Variants in RXFP1 observed in about 807,000 individuals in gnomAD.
RXFP1 encodes relaxin receptor 1.
A neutral mutation model predicts 89.8 loss-of-function variants in RXFP1; 73 were observed. The ratio of observed to expected loss-of-function variants is 0.81; its 90% CI spans 0.67 to 0.99. The LOEUF is 0.99. RXFP1 is among the 50% of genes least tolerant of loss of function. RXFP1 has a pLI of 0.00. For missense variants in RXFP1, 793 were observed against 895.5 expected, an observed-to-expected ratio of 0.89 and a Z score of 1.46; for synonymous variants, 277 against 305.5, an observed-to-expected ratio of 0.91 and a Z score of 0.97.
intron 2 of RXFP1, among the ~76,000 whole-genome samples, chr4:158,589,307 A>G (rs965306279): frequency 8.5e-5 from 13 of 152,302 alleles, no homozygotes; most frequent in African/African-American, 3.1e-4. Flanking sequence ...ACCATATCAG[A>G]TACCCATATC....
chr4:158,603,763 G>A (rs1423791742), intron 4 of RXFP1, among the ~76,000 whole-genome samples: 2 of 151,728 alleles, frequency 1.3e-5, no homozygotes, highest in South Asian at 4.2e-4. Context: ...GGTGGCGCAC[G>A]CCTGTAATCC....
intron 14 of RXFP1, among the ~76,000 whole-genome samples, chr4:158,642,111 T>C (rs4132808): frequency 0.012 from 1,836 of 152,294 alleles, 25 homozygotes; most frequent in African/African-American, 0.039. Context: ...TTTTTTCTTT[T>C]ACTGTGGCAC....
intron 9 of RXFP1, 104 bp downstream of exon 9, chr4:158,617,309 G>T: frequency 8.9e-6 from 7 of 790,006 alleles, no homozygotes; most frequent in South Asian, 1.9e-5. Flanking sequence ...AAATGATAAG[G>T]GTTTTAGTAT....
chr4:158,548,396 C>G (rs1473645411), intron 1 of RXFP1, among the ~76,000 whole-genome samples: 2 of 152,304 alleles, frequency 1.3e-5, no homozygotes, highest in Non-Finnish European at 2.9e-5. Flanking sequence ...GGTCTGGACT[C>G]TTTATCCAAT....
chr4:158,624,595 A>T (rs528185839), intron 9 of RXFP1, among the ~76,000 whole-genome samples: 2 of 152,236 alleles, frequency 1.3e-5, no homozygotes, highest in Non-Finnish European at 2.9e-5. Flanking sequence ...AAATAAAAAT[A>T]AAAAAACCTT....
upstream of RXFP1, chr4:158,521,847 G>T: frequency 3.5e-6 from 2 of 575,914 alleles, no homozygotes; most frequent in Non-Finnish European, 3.1e-6. Flanking sequence ...AGTGGAAGGA[G>T]GGAGGACTGC....
intron 8 of RXFP1, among the ~76,000 whole-genome samples, chr4:158,615,443 G>A (rs1210344663): frequency 6.6e-6 from 1 of 152,148 alleles, no homozygotes; most frequent in Non-Finnish European, 1.5e-5. Context: ...AGCTGAGGCA[G>A]GAGAATCGCT....
intron 1 of RXFP1, among the ~76,000 whole-genome samples, chr4:158,559,725 C>T (rs1752056472): frequency 6.6e-6 from 1 of 152,206 alleles, no homozygotes; most frequent in Non-Finnish European, 1.5e-5. Flanking sequence ...AGAAATTCTT[C>T]ATAGAATTGC....
chr4:158,580,595 C>A (rs1239000130), intron 2 of RXFP1, among the ~76,000 whole-genome samples: 1 of 152,080 alleles, frequency 6.6e-6, no homozygotes, highest in Non-Finnish European at 1.5e-5. Context: ...TGGGAAGCTC[C>A]TTGAAAGTAT....
intron 1 of RXFP1, among the ~76,000 whole-genome samples, chr4:158,531,963 G>T (rs1262463369): frequency 6.6e-6 from 1 of 151,952 alleles, no homozygotes; most frequent in Non-Finnish European, 1.5e-5. Flanking sequence ...CATTTAGGGG[G>T]TATATGTGCA....
At chr4:158,579,755 A>G (rs1756958754) in intron 2 of RXFP1, among the ~76,000 whole-genome samples, 2 of 152,250 alleles carry the variant, frequency 1.3e-5, no homozygotes, top group South Asian at 4.1e-4. Flanking sequence ...GATTTTAGAC[A>G]GAATTTCCAA....
Position 158,626,824 on chromosome 4 carries a change from C to A in RXFP1, c.760C>A (p.Leu254Ile), listed in dbSNP as rs758361055. ...CGTTTTATTTTTATGTTCCAGGGAC[C>A]TTGAAGGCAACCATATCCATAATTT... The part of the protein sequence containing the change: ...QHMPRLHWLD[L>I]EGNHIHNLRN... Residue 254 changes from leucine (L) to isoleucine (I), a missense_variant, in exon 10 of 18, where the codon CTT (leucine) becomes ATT (isoleucine). Physicochemically the swap from Leu to Ile is conservative, Grantham distance 5 (BLOSUM62 2). Transcript: ENST00000307765. 2.6e-6 allele frequency: 4 copies of A among 1,558,430 alleles called. No homozygotes were observed. Among genetic ancestry groups the A allele is most frequent in the African/African-American group, 2.8e-5 (2 of 72,704 alleles).
intron 1 of RXFP1, among the ~76,000 whole-genome samples, chr4:158,540,356 G>A (rs1002498897): frequency 6.6e-6 from 1 of 152,078 alleles, no homozygotes; most frequent in African/African-American, 2.4e-5. Context: ...ACCATATAGG[G>A]TAACTGACAT....
chr4:158,605,067 G>A lies in RXFP1; in HGVS notation c.393-1G>A, dbSNP rs1438520349. On this transcript the variant is annotated splice_acceptor_variant, in intron 4 of 17. Transcript: ENST00000307765. LOFTEE classifies it high-confidence loss of function. ...AGAATCAAAATTTACATTTATTTCA[G>A]GTCACTTCAGTGGAACTTAATAAGA... is the stretch of plus-strand genomic sequence containing the variant. 2 of 1,536,582 alleles carry A rather than the reference G, an allele frequency of 1.3e-6. No homozygotes were observed. Among genetic ancestry groups the A allele is most frequent in the Non-Finnish European group, 8.9e-7 (1 of 1,122,860 alleles).
intron 14 of RXFP1, among the ~76,000 whole-genome samples, chr4:158,643,659 G>C (rs1420419829): frequency 2.0e-5 from 3 of 151,712 alleles, no homozygotes; most frequent in Non-Finnish European, 2.9e-5. Context: ...TTTTAGTAGA[G>C]ACGGGTTTTC....
intron 1 of RXFP1, among the ~76,000 whole-genome samples, chr4:158,562,266 T>C (rs1752607131): frequency 6.6e-6 from 1 of 152,078 alleles, no homozygotes; most frequent in Admixed American, 6.5e-5. Context: ...CAGTTTAAAA[T>C]ACACATATTT....
chr4:158,622,038 C>T (rs933140163), intron 9 of RXFP1, among the ~76,000 whole-genome samples: 4 of 152,152 alleles, frequency 2.6e-5, no homozygotes, highest in African/African-American at 7.2e-5. Flanking sequence ...GGACCAGGTG[C>T]GGTGGCTTAC....
intron 6 of RXFP1, chr4:158,610,561 C>T: frequency 1.9e-6 from 1 of 535,386 alleles, no homozygotes; most frequent in Admixed American, 2.6e-5. Context: ...TTTAAAAGTA[C>T]TTAAGTTCCA....
intron 17 of RXFP1, among the ~76,000 whole-genome samples, chr4:158,650,759 A>G (rs1772545944): frequency 6.6e-6 from 1 of 151,960 alleles, no homozygotes; most frequent in Admixed American, 6.6e-5. Context: ...ATAGAGCAAG[A>G]CTCTATCTCA....
Sources: gnomAD v4.1 joint callset for allele counts (sites outside exome capture counted in the v4.1 genomes callset) on GRCh38, gnomAD v4.1.1 for gene constraint, MANE v1.5 for transcripts, NCBI Gene and HGNC (gene_info 2026-07-23, HGNC 2026-07-21) for gene names.